USP13: variants seen among roughly 807,000 people sequenced by gnomAD.
USP13 encodes the protein ubiquitin carboxyl-terminal hydrolase 13.
USP13 carries 68 observed loss-of-function variants against 107.8 expected under a neutral mutation model. That is an observed-to-expected ratio of 0.63 (90% CI 0.52 to 0.77). USP13 has a LOEUF of 0.77. Among genes scored for constraint, USP13 ranks in the 30% least tolerant of loss-of-function variants. The pLI is 0.00. For missense variants in USP13, 945 were observed against 1,093.3 expected (o/e 0.86, Z 1.91); for synonymous variants, 377 against 389.5 (o/e 0.97, Z 0.38).
At chr3:179,761,307 A>T in intron 17 of USP13, 52 bp downstream of exon 17, 1 of 1,606,628 alleles carries the variant, frequency 6.2e-7, no homozygotes, top group Non-Finnish European at 8.5e-7. Context: ...ACCCTCAGTG[A>T]TGCTGAGTCC....
chr3:179,683,648 G>A (rs889694818), intron 2 of USP13, among the ~76,000 whole-genome samples: 4 of 152,102 alleles, frequency 2.6e-5, no homozygotes, highest in East Asian at 1.9e-4. Context: ...GGAAAGACCC[G>A]CCCCCATAAT....
chr3:179,774,326 C>T (rs1024814010), intron 19 of USP13, among the ~76,000 whole-genome samples: 3 of 152,170 alleles, frequency 2.0e-5, no homozygotes, highest in Admixed American at 6.5e-5. Flanking sequence ...TCACTGACTT[C>T]GAGAATGAAG....
chr3:179,725,685 G>A (rs150340100), intron 8 of USP13, among the ~76,000 whole-genome samples: 7 of 152,294 alleles, frequency 4.6e-5, no homozygotes, highest in African/African-American at 1.4e-4. Context: ...GAAGTTAATC[G>A]TGTGATTGTG....
Position 179,653,499 on chromosome 3 carries a change from G to T in USP13, c.168+106G>T. The T allele has an allele frequency of 1.4e-6, 2 of 1,449,892 alleles. No homozygotes were observed. Among genetic ancestry groups the T allele is most frequent in the Non-Finnish European group, 1.8e-6 (2 of 1,083,312 alleles). The allele number at this position is 1,449,892 out of a possible 1,614,324, so 89.8% of individuals were successfully genotyped here. The stretch of plus-strand genomic sequence containing the variant: ...GGCCGGGACCTCTTCTCTTCCTCCG[G>T]GCGGCAGAGTTGGCTCAGGAACACT... On this transcript the variant is annotated intron_variant, in intron 1 of 20. Transcript: ENST00000263966. This position sits in a 1 kb window ranked among gnomAD's most constrained non-coding sequence, Gnocchi z 4.0.
Position 179,719,938 on chromosome 3 carries a change from A to G in USP13, c.806-2A>G, listed in dbSNP as rs959681500. 1.2e-6 allele frequency: 2 copies of G among 1,612,558 alleles called. No homozygotes were observed. Among genetic ancestry groups the G allele is most frequent in the Non-Finnish European group, 1.7e-6 (2 of 1,179,030 alleles). ...AGTGCTTATTTTCTCTTCATCCGCT[A>G]GATGTTTATTCTTTTCAAGAAGAAG... On this transcript the variant is annotated splice_acceptor_variant, in intron 6 of 20. Transcript: ENST00000263966. LOFTEE classifies it high-confidence loss of function.
chr3:179,709,235 A>C (rs1258209794), intron 6 of USP13, among the ~76,000 whole-genome samples: 1 of 152,190 alleles, frequency 6.6e-6, no homozygotes, highest in Non-Finnish European at 1.5e-5. Context: ...TAAGGTCCTA[A>C]TACAAGTTGC....
intron 1 of USP13, among the ~76,000 whole-genome samples, chr3:179,677,903 T>C (rs1711528727): frequency 6.6e-6 from 1 of 152,180 alleles, no homozygotes; most frequent in South Asian, 2.1e-4. Flanking sequence ...ATTCAGATAA[T>C]GAGATAATAA....
intron 19 of USP13, among the ~76,000 whole-genome samples, chr3:179,777,638 G>T (rs1490385741): frequency 6.6e-6 from 1 of 151,152 alleles, no homozygotes; most frequent in Non-Finnish European, 1.5e-5. Flanking sequence ...TATTTGTAGA[G>T]ACAGGGTTTT....
intron 6 of USP13, among the ~76,000 whole-genome samples, chr3:179,716,947 T>A (rs905532987): frequency 1.3e-5 from 2 of 152,222 alleles, no homozygotes; most frequent in Non-Finnish European, 2.9e-5. Context: ...CTCATGCTCT[T>A]GTGGTTTAGT....
chr3:179,708,090 T>G (rs1181671215), intron 5 of USP13, among the ~76,000 whole-genome samples: 1 of 152,234 alleles, frequency 6.6e-6, no homozygotes, highest in Non-Finnish European at 1.5e-5. Context: ...AGAACTTTAG[T>G]CATTTATACA....
At chr3:179,733,194 A>T (rs1195642273) in intron 10 of USP13, among the ~76,000 whole-genome samples, 1 of 152,242 alleles carries the variant, frequency 6.6e-6, no homozygotes, top group East Asian at 1.9e-4. Context: ...TCCAGCCCTC[A>T]GGTGCCACGA....
At chr3:179,698,539 T>A (rs1475052507) in intron 3 of USP13, among the ~76,000 whole-genome samples, 1 of 151,864 alleles carries the variant, frequency 6.6e-6, no homozygotes, top group Non-Finnish European at 1.5e-5. Flanking sequence ...AAGATTTGAA[T>A]TAACTTTAAA....
At chr3:179,760,400 C>T (rs1304412483) in intron 16 of USP13, among the ~76,000 whole-genome samples, 1 of 151,542 alleles carries the variant, frequency 6.6e-6, no homozygotes, top group Non-Finnish European at 1.5e-5. Flanking sequence ...TCTCCTGCCT[C>T]AGCCTCCCGA....
At chr3:179,690,697 C>A (rs1366993764) in intron 3 of USP13, among the ~76,000 whole-genome samples, 1 of 152,148 alleles carries the variant, frequency 6.6e-6, no homozygotes, top group Non-Finnish European at 1.5e-5. Flanking sequence ...CTCAGCCTCC[C>A]AAGTAGCTGA....
intron 4 of USP13, among the ~76,000 whole-genome samples, chr3:179,705,119 G>T (rs578134706): frequency 6.6e-6 from 1 of 152,100 alleles, no homozygotes; most frequent in South Asian, 2.1e-4. Context: ...TGCTAGAATT[G>T]CCTGTGGGCT....
intron 10 of USP13, 23 bp downstream of exon 10, chr3:179,730,732 T>C (rs1319841895): frequency 1.2e-6 from 2 of 1,607,060 alleles, no homozygotes; most frequent in Middle Eastern, 1.7e-4. Context: ...GCGTTTGCCA[T>C]GTTGACATGT....
At chr3:179,750,320 A>ATGTG (rs372126922) in intron 13 of USP13, among the ~76,000 whole-genome samples, 14 of 40,792 alleles carry the variant, frequency 3.4e-4, no homozygotes, top group African/African-American at 8.2e-4. Context: ...ATATATATAT[A>ATGTG]TGTGTGTATA....
At chr3:179,726,751 C>T (rs1293652507) in intron 8 of USP13, among the ~76,000 whole-genome samples, 1 of 151,762 alleles carries the variant, frequency 6.6e-6, no homozygotes, top group Non-Finnish European at 1.5e-5. Context: ...AATCACGGCT[C>T]ACTGCAGCCT....
At chr3:179,696,959 A>T (rs1045122081) in intron 3 of USP13, among the ~76,000 whole-genome samples, 2 of 152,218 alleles carry the variant, frequency 1.3e-5, no homozygotes, top group African/African-American at 2.4e-5. Context: ...CATTTAATTT[A>T]AAAAATACCA....
Sources: allele counts gnomAD v4.1 joint callset (sites outside exome capture counted in the v4.1 genomes callset), GRCh38; gene constraint gnomAD v4.1.1; non-coding constraint Gnocchi (gnomAD v3.1); transcripts MANE v1.5; gene names NCBI Gene and HGNC (gene_info 2026-07-23, HGNC 2026-07-21).